The following NKAIN2 variants were observed in gnomAD, a reference collection of about 807,000 sequenced individuals.
The protein encoded by NKAIN2 is sodium/potassium-transporting ATPase subunit beta-1-interacting protein 2.
In NKAIN2, 14 loss-of-function variants were observed where a neutral mutation model predicts 32.6. The observed-to-expected ratio is 0.43, with a 90% confidence interval of 0.28 to 0.67. The LOEUF is 0.67. Among genes scored for constraint, NKAIN2 ranks in the 30% least tolerant of loss-of-function variants. The pLI, the probability that NKAIN2 is intolerant of heterozygous loss-of-function variation, is 0.17. For synonymous variants in NKAIN2, 80 were observed against 87.2 expected, an observed-to-expected ratio of 0.92 and a Z score of 0.46; for missense variants, 198 against 258.3, an observed-to-expected ratio of 0.77 and a Z score of 1.60.
intron 1 of NKAIN2, among the ~76,000 whole-genome samples, chr6:124,265,047 A>G (rs1169695668): frequency 1.3e-5 from 2 of 152,192 alleles, no homozygotes; most frequent in African/African-American, 4.8e-5. Flanking sequence ...TGTATATTAT[A>G]TAGCTATATA....
intron 1 of NKAIN2, among the ~76,000 whole-genome samples, chr6:124,218,772 C>T (rs1377195079): frequency 6.6e-6 from 1 of 152,040 alleles, no homozygotes; most frequent in Non-Finnish European, 1.5e-5. Flanking sequence ...TTTTAAATAC[C>T]AGTTACTAGT....
intron 3 of NKAIN2, among the ~76,000 whole-genome samples, chr6:124,451,680 T>C (rs570941231): frequency 2.0e-5 from 3 of 152,316 alleles, no homozygotes; most frequent in African/African-American, 7.2e-5. Context: ...TCTTCAAATA[T>C]GTGAAAGGCT....
At chr6:123,834,223 C>G (rs987683111) in intron 1 of NKAIN2, among the ~76,000 whole-genome samples, 3 of 152,140 alleles carry the variant, frequency 2.0e-5, no homozygotes, top group Non-Finnish European at 4.4e-5. Context: ...GACGTGATCT[C>G]AGCTCACTGC....
chr6:124,575,036 A>T (rs1781277647), intron 3 of NKAIN2, among the ~76,000 whole-genome samples: 1 of 152,232 alleles, frequency 6.6e-6, no homozygotes, highest in South Asian at 2.1e-4. Context: ...GAGATACAAG[A>T]TTTAAATGCC....
At chr6:124,721,885 A>G (rs1394462254) in intron 4 of NKAIN2, among the ~76,000 whole-genome samples, 2 of 152,218 alleles carry the variant, frequency 1.3e-5, no homozygotes, top group Admixed American at 6.5e-5. Context: ...ATTAAGTAGT[A>G]TTAAGTACAT....
In NKAIN2 at chr6:124,219,458, A is replaced by G. The variant is rs563616803; in HGVS notation, c.55-63547A>G. ...ACATCCGACTAATTTTTGTATTTTTAGTTGACATGGGGTTTCACCATGTTG... is the reference window on the plus strand; with the variant it reads ...ACATCCGACTAATTTTTGTATTTTTGGTTGACATGGGGTTTCACCATGTTG... On this transcript the variant is annotated intron_variant, in intron 1 of 6. Transcript: ENST00000368417. 9.2e-5 allele frequency among the ~76,000 whole-genome samples: 14 copies of G among 151,648 alleles called. No homozygotes were observed. In the East Asian group the frequency reaches 2.0e-3, roughly 21 times the overall value.
intron 4 of NKAIN2, among the ~76,000 whole-genome samples, chr6:124,703,457 AT>A (rs1041427449): frequency 3.9e-5 from 6 of 152,034 alleles, no homozygotes; most frequent in African/African-American, 1.4e-4. Flanking sequence ...TAGTTTGGCT[AT>A]TTAATTCACA....
intron 3 of NKAIN2, among the ~76,000 whole-genome samples, chr6:124,636,552 A>G (rs1475276148): frequency 1.3e-5 from 2 of 151,996 alleles, no homozygotes; most frequent in Non-Finnish European, 2.9e-5. Flanking sequence ...ACCCAAATAA[A>G]TAAAATTAGA....
At chr6:124,194,237 C>T (rs961804178) in intron 1 of NKAIN2, among the ~76,000 whole-genome samples, 12 of 151,756 alleles carry the variant, frequency 7.9e-5, no homozygotes. Context: ...TAGTCTGCCT[C>T]CTGCCCAGAC....
chr6:124,478,999 G>T (rs562785988), intron 3 of NKAIN2, among the ~76,000 whole-genome samples: 8 of 152,058 alleles, frequency 5.3e-5, no homozygotes, highest in Admixed American at 2.6e-4. Context: ...TACCTCTGTT[G>T]TCTCCCTCCC....
chr6:124,477,890 G>A (rs1777294722), intron 3 of NKAIN2, among the ~76,000 whole-genome samples: 1 of 146,060 alleles, frequency 6.8e-6, no homozygotes, highest in African/African-American at 2.6e-5. Context: ...AAGAATCCTA[G>A]CATTTTCTCC....
intron 1 of NKAIN2, among the ~76,000 whole-genome samples, chr6:124,201,646 C>A (rs963201175): frequency 6.6e-6 from 1 of 151,888 alleles, no homozygotes; most frequent in Non-Finnish European, 1.5e-5. Context: ...GTAATTAAAA[C>A]CTCAAGGAGT....
At chr6:123,922,500 A>C (rs531923166) in intron 1 of NKAIN2, among the ~76,000 whole-genome samples, 1 of 152,204 alleles carries the variant, frequency 6.6e-6, no homozygotes, top group East Asian at 1.9e-4. Flanking sequence ...GAATATTGTA[A>C]GTTTCTTATA....
At chr6:124,743,611 C>A (rs1205257731) in intron 4 of NKAIN2, among the ~76,000 whole-genome samples, 2 of 151,776 alleles carry the variant, frequency 1.3e-5, no homozygotes, top group Admixed American at 6.6e-5. Context: ...AACATGATAT[C>A]CCTCTCTGAG....
chr6:124,180,639 C>T (rs1460893557), intron 1 of NKAIN2, among the ~76,000 whole-genome samples: 1 of 152,176 alleles, frequency 6.6e-6, no homozygotes, highest in East Asian at 1.9e-4. Flanking sequence ...CTCATTTCAG[C>T]ATTAAATCAG....
At chr6:124,404,836 G>T (rs1368277468) in intron 3 of NKAIN2, among the ~76,000 whole-genome samples, 1 of 151,952 alleles carries the variant, frequency 6.6e-6, no homozygotes, top group Non-Finnish European at 1.5e-5. Flanking sequence ...TTTACCAAGA[G>T]ATTCTTTTTA....
chr6:123,932,968 A>G (rs1453860917), intron 1 of NKAIN2, among the ~76,000 whole-genome samples: 2 of 151,896 alleles, frequency 1.3e-5, no homozygotes, highest in Non-Finnish European at 2.9e-5. Flanking sequence ...ACTTACTTCC[A>G]TCAGGCCTCT....
intron 3 of NKAIN2, among the ~76,000 whole-genome samples, chr6:124,657,359 C>T (rs1389511098): frequency 6.6e-6 from 1 of 152,056 alleles, no homozygotes; most frequent in Admixed American, 6.6e-5. Context: ...TTCCTTTAGC[C>T]GTTCTTTCCC....
At chr6:124,269,295 A>G (rs951830576) in intron 1 of NKAIN2, among the ~76,000 whole-genome samples, 1 of 152,102 alleles carries the variant, frequency 6.6e-6, no homozygotes, top group Non-Finnish European at 1.5e-5. Flanking sequence ...TGAATTCAAT[A>G]CTAGGGTTAC....
Sources: allele counts gnomAD v4.1 joint callset (sites outside exome capture counted in the v4.1 genomes callset), GRCh38; gene constraint gnomAD v4.1.1; transcripts MANE v1.5; gene names NCBI Gene and HGNC (gene_info 2026-07-23, HGNC 2026-07-21).